Variants in POFUT3 observed in about 807,000 individuals in gnomAD.
The protein encoded by POFUT3 is GDP-fucose protein O-fucosyltransferase 3.
At chr8:33,449,277 GATT>G in the POFUT3 span, among the ~76,000 whole-genome samples, 5 of 107,064 alleles carry the variant, frequency 4.7e-5, no homozygotes, top group African/African-American at 6.9e-5. Context: ...TATCCGAGTT[GATT>G]TTTTTTTTTT....
At chr8:33,433,668 C>T in the POFUT3 span, among the ~76,000 whole-genome samples, 1 of 151,434 alleles carries the variant, frequency 6.6e-6, no homozygotes, top group African/African-American at 2.4e-5. Context: ...CCTGTAATCC[C>T]AGCTACTTGG....
the POFUT3 span, among the ~76,000 whole-genome samples, chr8:33,423,966 C>T: frequency 1.3e-5 from 2 of 151,824 alleles, no homozygotes; most frequent in East Asian, 1.9e-4. Flanking sequence ...TGGTGAAACC[C>T]TATCTCTACT....
chr8:33,351,628 G>A, the POFUT3 span, among the ~76,000 whole-genome samples: 1 of 152,202 alleles, frequency 6.6e-6, no homozygotes, highest in African/African-American at 2.4e-5. Flanking sequence ...TGCAGATGCT[G>A]GCACCATGCT....
At chr8:33,308,778 G>A in the POFUT3 span, among the ~76,000 whole-genome samples, 1 of 151,932 alleles carries the variant, frequency 6.6e-6, no homozygotes, top group Non-Finnish European at 1.5e-5. Context: ...CCTCGTGACT[G>A]GGCCTCATGT....
At chr8:33,382,350 A>G in the POFUT3 span, among the ~76,000 whole-genome samples, 2 of 151,808 alleles carry the variant, frequency 1.3e-5, no homozygotes, top group African/African-American at 4.8e-5. Flanking sequence ...ACACACTTTT[A>G]ATTTCATTCC....
the POFUT3 span, among the ~76,000 whole-genome samples, chr8:33,369,263 G>C: frequency 5.9e-5 from 9 of 152,112 alleles, no homozygotes; most frequent in African/African-American, 2.2e-4. Flanking sequence ...CATATAACTT[G>C]ACCAAGATAA....
At chr8:33,310,329 A>G in the POFUT3 span, among the ~76,000 whole-genome samples, 2 of 152,180 alleles carry the variant, frequency 1.3e-5, no homozygotes, top group African/African-American at 4.8e-5. Context: ...TTGATATACA[A>G]TTTCCTTAAA....
At chr8:33,375,931 C>T in the POFUT3 span, among the ~76,000 whole-genome samples, 16 of 151,232 alleles carry the variant, frequency 1.1e-4, no homozygotes, top group South Asian at 4.2e-4. Flanking sequence ...GCAGGAGAAT[C>T]GCTTGAACCC....
chr8:33,461,456 G>T, the POFUT3 span: 2 of 1,613,464 alleles, frequency 1.2e-6, no homozygotes, highest in Non-Finnish European at 1.7e-6. Flanking sequence ...GCACCATGCT[G>T]CCCTGCCCTG....
At chr8:33,380,660 G>C in the POFUT3 span, among the ~76,000 whole-genome samples, 1 of 151,866 alleles carries the variant, frequency 6.6e-6, no homozygotes, top group African/African-American at 2.4e-5. Flanking sequence ...AACATAGCAA[G>C]ACCCTGTCTC....
At chr8:33,380,625 T>C in the POFUT3 span, among the ~76,000 whole-genome samples, 32 of 149,086 alleles carry the variant, frequency 2.1e-4, no homozygotes, top group East Asian at 5.8e-3. Context: ...TTGCTTGAGG[T>C]CAGAAGTTTA....
chr8:33,463,535 T>C, the POFUT3 span, among the ~76,000 whole-genome samples: 1 of 151,786 alleles, frequency 6.6e-6, no homozygotes, highest in Non-Finnish European at 1.5e-5. Context: ...TCCCCTCTCA[T>C]GAGTCTACCT....
chr8:33,330,836 G>A, the POFUT3 span, among the ~76,000 whole-genome samples: 1 of 152,038 alleles, frequency 6.6e-6, no homozygotes, highest in Non-Finnish European at 1.5e-5. Flanking sequence ...GCGTGCCATG[G>A]TGTTTCACAT....
At chr8:33,329,478 T>C in the POFUT3 span, among the ~76,000 whole-genome samples, 1 of 152,244 alleles carries the variant, frequency 6.6e-6, no homozygotes, top group South Asian at 2.1e-4. Context: ...TGCCTTCTAC[T>C]GAATACTTCT....
At chr8:33,318,652 T>G in the POFUT3 span, among the ~76,000 whole-genome samples, 2 of 86,752 alleles carry the variant, frequency 2.3e-5, no homozygotes, top group Non-Finnish European at 4.0e-5. Flanking sequence ...ATTGTATATA[T>G]ATTTATATAA....
the POFUT3 span, among the ~76,000 whole-genome samples, chr8:33,392,505 G>A: frequency 6.6e-6 from 1 of 151,936 alleles, no homozygotes; most frequent in Non-Finnish European, 1.5e-5. Context: ...CATGAACTGG[G>A]GACGCAGAGG....
the POFUT3 span, among the ~76,000 whole-genome samples, chr8:33,339,841 G>A: frequency 6.6e-6 from 1 of 152,156 alleles, no homozygotes; most frequent in Non-Finnish European, 1.5e-5. Context: ...CTTCAGAGAT[G>A]AAGGAGAAAT....
chr8:33,380,019 A>ATATATACTATATATAGTATATATATATAG, the POFUT3 span, among the ~76,000 whole-genome samples: 1 of 86,218 alleles, frequency 1.2e-5, no homozygotes, highest in Admixed American at 1.5e-4. Context: ...TATATAGTAT[A>ATATATACTATATATAGTATATATATATAG]TATATATACT....
the POFUT3 span, among the ~76,000 whole-genome samples, chr8:33,351,146 G>C: frequency 6.6e-6 from 1 of 151,968 alleles, no homozygotes; most frequent in East Asian, 1.9e-4. Context: ...GTAGAGACAG[G>C]GTTTCACCAT....
Sources: gnomAD v4.1 joint callset for allele counts (sites outside exome capture counted in the v4.1 genomes callset) on GRCh38, gnomAD v4.1.1 for gene constraint, MANE v1.5 for transcripts, NCBI Gene and HGNC (gene_info 2026-07-23, HGNC 2026-07-21) for gene names.